Variants in TOMM40 observed in about 807,000 individuals in gnomAD.
The protein encoded by TOMM40 is translocase of outer mitochondrial membrane 40.
Under a neutral mutation model 38.4 loss-of-function variants are expected in TOMM40, and 9 were observed. That is an observed-to-expected ratio of 0.23 (90% CI 0.14 to 0.41). The LOEUF is 0.41. Among genes scored for constraint, TOMM40 ranks in the 10% least tolerant of loss-of-function variants. TOMM40 has a pLI of 1.00. For synonymous variants in TOMM40, 184 were observed against 210.0 expected (o/e 0.88, Z 1.07); for missense variants, 299 against 486.5 (o/e 0.61, Z 3.63).
chr19:44,892,594 T>A, intron 2 of TOMM40, 134 bp downstream of exon 2: 1 of 879,190 alleles, frequency 1.1e-6, no homozygotes, highest in Non-Finnish European at 1.8e-6. Context: ...GGAGATATAG[T>A]GCCAGACTGA....
At position 44,891,613 on chromosome 19, in the gene TOMM40, AG is replaced by A; in HGVS notation, c.202del (p.Ala68ProfsTer42). On this transcript the variant is annotated frameshift_variant, in exon 1 of 9. Transcript: ENST00000426677. LOFTEE classifies it high-confidence loss of function. Reference sequence around the variant, plus strand: ...CCGGGGCTGCAACCGCCAGCGCCTCAGGGGCCGCCGAGGATGGGGCCTGCGG... The same window carrying A: ...CCGGGGCTGCAACCGCCAGCGCCTCAGGGCCGCCGAGGATGGGGCCTGCGG... ...TPGAATASASGAAEDGACGCL... is the reference protein window; with the variant it reads ...TPGAATASASXAAEDGACGCL... 1 of 1,483,042 alleles carries A rather than the reference AG, an allele frequency of 6.7e-7. No homozygotes were observed. Among genetic ancestry groups the A allele is most frequent in the South Asian group, 1.3e-5 (1 of 79,966 alleles). The allele number at this position is 1,483,042 out of a possible 1,614,324, so 91.9% of individuals were successfully genotyped here.
At chr19:44,895,640 C>T (rs1432069537) in intron 5 of TOMM40, among the ~76,000 whole-genome samples, 1 of 152,020 alleles carries the variant, frequency 6.6e-6, no homozygotes, top group African/African-American at 2.4e-5. Flanking sequence ...CTGGTTCAAG[C>T]GATTCTCCTG....
chr19:44,901,197 G>A lies in TOMM40; in HGVS notation c.844-11G>A, dbSNP rs775880558. On this transcript the variant is annotated splice_polypyrimidine_tract_variant and intron_variant, in intron 7 of 8. Coordinates refer to ENST00000426677, the MANE Select transcript of TOMM40 (RefSeq NM_001128917.2). ...CTTGCTAATTCTCATGTGTTGCTCC[G>A]GCCCCTCCAGCTGCAGGTGGGTGTG... is the stretch of plus-strand genomic sequence containing the variant. The A allele has an allele frequency of 1.4e-5, 22 of 1,613,910 alleles. No homozygotes were observed. The highest frequency in any genetic ancestry group is 1.8e-5 in the Non-Finnish European group (21 of 1,179,956).
intron 5 of TOMM40, among the ~76,000 whole-genome samples, chr19:44,896,356 C>T (rs1470918147): frequency 6.6e-6 from 1 of 152,146 alleles, no homozygotes; most frequent in African/African-American, 2.4e-5. Context: ...TGGTTCCAGC[C>T]CTTCTGGGCT....
At chr19:44,897,300 G>A (rs1293128314) in intron 5 of TOMM40, among the ~76,000 whole-genome samples, 1 of 152,150 alleles carries the variant, frequency 6.6e-6, no homozygotes, top group Non-Finnish European at 1.5e-5. Flanking sequence ...AGTTCCAACA[G>A]TCCCTGGAAC....
intron 6 of TOMM40, 30 bp downstream of exon 6, chr19:44,900,882 AG>A: frequency 1.2e-6 from 2 of 1,612,168 alleles, no homozygotes; most frequent in Non-Finnish European, 1.7e-6. Flanking sequence ...CCGAGGGTGG[AG>A]GGGCTGGGCC....
chr19:44,893,679 C>T, intron 3 of TOMM40, 101 bp from the exon 4 acceptor site: 1 of 953,818 alleles, frequency 1.0e-6, no homozygotes, highest in Non-Finnish European at 1.5e-6. Context: ...GGAGGGGACC[C>T]CCATCCGAGG....
chr19:44,892,047 C>T (rs1454856193), intron 1 of TOMM40, among the ~76,000 whole-genome samples: 1 of 152,146 alleles, frequency 6.6e-6, no homozygotes, highest in African/African-American at 2.4e-5. Context: ...CTCCGGATCC[C>T]AGCCTGGAGC....
intron 6 of TOMM40, 82 bp from the exon 7 acceptor site, chr19:44,900,946 G>C: frequency 6.2e-7 from 1 of 1,610,600 alleles, no homozygotes; most frequent in Non-Finnish European, 8.5e-7. Flanking sequence ...TGGACACTCA[G>C]GTCTGAGGGA....
At chr19:44,896,039 C>G (rs1299441932) in intron 5 of TOMM40, among the ~76,000 whole-genome samples, 2 of 152,324 alleles carry the variant, frequency 1.3e-5, no homozygotes, top group South Asian at 2.1e-4. Flanking sequence ...AGGTTCTCCA[C>G]TAAGGGCACA....
Position 44,894,056 on chromosome 19 carries a change from C to G in TOMM40, c.633C>G (p.Leu211=). Residue 211 remains leucine, a synonymous_variant, in exon 5 of 9, where the codon CTC becomes CTG. Transcript: ENST00000426677. ...AAVTLGNPDV[L]VGSGILVAHY... ...TCACCCTGGGGAACCCAGACGTCCT[C>G]GTGGGTTCAGGTAAGAGGCGGAGGG... 4 of 1,513,298 alleles carry G rather than the reference C, an allele frequency of 2.6e-6. No homozygotes were observed. The highest frequency in any genetic ancestry group is 3.5e-6 in the Non-Finnish European group (4 of 1,129,472). The allele number at this position is 1,513,298 out of a possible 1,614,324, so 93.7% of individuals were successfully genotyped here.
At chr19:44,897,281 C>T (rs776917466) in intron 5 of TOMM40, among the ~76,000 whole-genome samples, 3 of 152,132 alleles carry the variant, frequency 2.0e-5, no homozygotes, top group African/African-American at 4.8e-5. Context: ...TTGAGGGTCT[C>T]ATGGCCTCAG....
At position 44,893,958 on chromosome 19, in the gene TOMM40, C is replaced by T; in HGVS notation, c.538-3C>T. 1 of 1,570,016 alleles carries T rather than the reference C, an allele frequency of 6.4e-7. No individual in the cohort carries two copies. The highest frequency in any genetic ancestry group is 8.7e-7 in the Non-Finnish European group (1 of 1,155,806). On this transcript the variant is annotated splice_region_variant and splice_polypyrimidine_tract_variant and intron_variant, in intron 4 of 8. Transcript: ENST00000426677. The stretch of plus-strand genomic sequence containing the variant: ...CCGCCCTCACACCCCCTCCTCTCCA[C>T]AGACCCAGCAGTCGAAGTTTGTGAA...
intron 5 of TOMM40, among the ~76,000 whole-genome samples, chr19:44,896,674 C>T (rs532951530): frequency 1.3e-5 from 2 of 152,242 alleles, no homozygotes; most frequent in South Asian, 4.1e-4. Flanking sequence ...GGTGACAGCT[C>T]CTTTTCTGCT....
intron 5 of TOMM40, among the ~76,000 whole-genome samples, chr19:44,897,266 G>A (rs1162758440): frequency 1.3e-5 from 2 of 152,090 alleles, no homozygotes; most frequent in Non-Finnish European, 2.9e-5. Context: ...TGGTTAGAAA[G>A]ATACTTGAGG....
intron 5 of TOMM40, among the ~76,000 whole-genome samples, chr19:44,897,120 G>T (rs1433540299): frequency 6.6e-6 from 1 of 152,236 alleles, no homozygotes; most frequent in Non-Finnish European, 1.5e-5. Flanking sequence ...TGGGCAGGGG[G>T]TCAACAGGGT....
chr19:44,893,063 A>G (rs1969498977), intron 3 of TOMM40, 134 bp downstream of exon 3: 1 of 684,234 alleles, frequency 1.5e-6, no homozygotes, highest in Non-Finnish European at 2.5e-6. Flanking sequence ...CATCTCTCCG[A>G]GGTGCACTGG....
chr19:44,903,317 C>G lies in TOMM40; in HGVS notation c.*148C>G. 3.7e-6 allele frequency: 3 copies of G among 821,786 alleles called. No homozygotes were observed. The highest frequency in any genetic ancestry group is 5.5e-6 in the Non-Finnish European group (3 of 550,032). The allele number at this position is 821,786 out of a possible 1,614,324, so 50.9% of individuals were successfully genotyped here. A position where few individuals can be genotyped will look rare whatever the true frequency, so the allele number is the denominator to read the frequency against. On this transcript the variant is annotated 3_prime_UTR_variant, in exon 9 of 9. Transcript: ENST00000426677. ...TTGGAAAGGAGGGACCCCGCCACCCCAGCAGCTGAGGAGGGGATTCTGGAA... is the reference window on the plus strand; with the variant it reads ...TTGGAAAGGAGGGACCCCGCCACCCGAGCAGCTGAGGAGGGGATTCTGGAA...
At position 44,892,900 on chromosome 19, in the gene TOMM40, G is replaced by T; in HGVS notation, c.406G>T (p.Val136Leu). The T allele has an allele frequency of 6.2e-7, 1 of 1,614,022 alleles. No homozygotes were observed. The highest frequency in any genetic ancestry group is 8.5e-7 in the Non-Finnish European group (1 of 1,179,904). The change falls in exon 3 of 9, where the codon GTG (valine) becomes TTG (leucine). Residue 136 changes from valine to leucine, a missense_variant. Transcript: ENST00000426677. Reference sequence around the variant, plus strand: ...CAACTACCACTTCGGGGTCACATATGTGGGGACAAAGCAGCTGAGTCCCAC... The same window carrying T: ...CAACTACCACTTCGGGGTCACATATTTGGGGACAAAGCAGCTGAGTCCCAC... ...ESNYHFGVTY[V>L]GTKQLSPTEA...
Sources: gnomAD v4.1 joint callset for allele counts (sites outside exome capture counted in the v4.1 genomes callset) on GRCh38, gnomAD v4.1.1 for gene constraint, MANE v1.5 for transcripts, NCBI Gene and HGNC (gene_info 2026-07-23, HGNC 2026-07-21) for gene names.